Variants in FRMD3 observed in about 807,000 individuals in gnomAD.
FRMD3 encodes the protein FERM domain containing 3, also known as FERM domain-containing protein 3.
FRMD3 carries 33 observed loss-of-function variants against 70.2 expected under a neutral mutation model. The observed-to-expected ratio is 0.47, with a 90% confidence interval of 0.36 to 0.63. FRMD3 has a LOEUF of 0.63. FRMD3 is among the 20% of genes least tolerant of loss of function. The pLI is 0.00. For synonymous variants in FRMD3, 279 were observed against 255.9 expected (o/e 1.09, Z -0.86); for missense variants, 632 against 711.4 (o/e 0.89, Z 1.27).
chr9:83,546,550 A>G, the FRMD3 span, among the ~76,000 whole-genome samples: 1 of 152,210 alleles, frequency 6.6e-6, no homozygotes, highest in African/African-American at 2.4e-5. Flanking sequence ...CATCATAAAA[A>G]CACATAAAAA....
intron 13 of FRMD3, among the ~76,000 whole-genome samples, chr9:83,279,987 T>C (rs1283800536): frequency 6.6e-6 from 1 of 152,168 alleles, no homozygotes; most frequent in Admixed American, 6.6e-5. Context: ...AATAAAACTG[T>C]CTTTCATAGA....
intron 1 of FRMD3, among the ~76,000 whole-genome samples, chr9:83,536,352 G>A (rs1048706472): frequency 6.6e-5 from 10 of 152,122 alleles, no homozygotes; most frequent in African/African-American, 2.2e-4. Context: ...TCCTGAGGGA[G>A]GGGAAAAAAA....
At chr9:83,310,271 T>A (rs1471187746) in intron 9 of FRMD3, among the ~76,000 whole-genome samples, 1 of 152,224 alleles carries the variant, frequency 6.6e-6, no homozygotes, top group Non-Finnish European at 1.5e-5. Flanking sequence ...CATGGGGGTG[T>A]ACAATCAGCA....
chr9:83,367,039 CA>C (rs138565141), intron 3 of FRMD3, among the ~76,000 whole-genome samples: 6 of 149,498 alleles, frequency 4.0e-5, no homozygotes, highest in East Asian at 3.9e-4. Flanking sequence ...TCTCAAAAAA[CA>C]AAAAAAAAAT....
chr9:83,311,882 C>G lies in FRMD3; in HGVS notation c.773+5G>C. ...GGAAAGCCAGTTTTCCAAAGAGGCA[C>G]TTACCATTTTATCAAATGGATTCTC... On this transcript the variant is annotated splice_donor_5th_base_variant and intron_variant, in intron 8 of 13. Coordinates refer to ENST00000304195, the MANE Select transcript of FRMD3 (RefSeq NM_174938.6). The G allele has an allele frequency of 6.3e-7, 1 of 1,590,260 alleles. No individual in the cohort carries two copies. Among genetic ancestry groups the G allele is most frequent in the Non-Finnish European group, 8.6e-7 (1 of 1,162,056 alleles).
At chr9:83,256,756 A>G (rs1231070727) in intron 13 of FRMD3, among the ~76,000 whole-genome samples, 6 of 151,642 alleles carry the variant, frequency 4.0e-5, no homozygotes, top group Admixed American at 6.6e-5. Context: ...CAAACATATG[A>G]AAAAAAAAGC....
rs1457225402 is a variant in FRMD3, at chr9:83,248,376, C to G, written c.1336G>C (p.Val446Leu). 1 of 1,614,168 alleles carries G rather than the reference C, an allele frequency of 6.2e-7. No homozygotes were observed. The highest frequency in any genetic ancestry group is 2.2e-5 in the East Asian group (1 of 44,884). Residue 446 changes from valine (V) to leucine (L), a missense_variant, in exon 14 of 14, where the codon GTG becomes CTG. By Grantham distance (32) the Val-to-Leu change is conservative. Transcript: ENST00000304195. ...KEEPLTISEL[V>L]YNPSASLLPT... ...AGCAGGCTGGCACTTGGGTTGTACA[C>G]TAGTTCAGAGATGGTTAAAGGTTCT...
Position 83,247,211 on chromosome 9 carries a change from A to G in FRMD3, c.*707T>C, listed in dbSNP as rs1832146684. The G allele has an allele frequency of 3.0e-6, 3 of 985,226 alleles. No individual in the cohort carries two copies. The highest frequency in any genetic ancestry group is 4.7e-5 in the South Asian group (1 of 21,292). 61.0% of individuals were successfully genotyped at this position (985,226 alleles called of 1,614,324 possible). A position where few individuals can be genotyped will look rare whatever the true frequency, so the allele number is the denominator to read the frequency against. Reference sequence around the variant, plus strand: ...CCTCTGTTTTAGCAGCTTACTTACTATAGTGTCTTTCTACCCATTTTCTAT... The same window carrying G: ...CCTCTGTTTTAGCAGCTTACTTACTGTAGTGTCTTTCTACCCATTTTCTAT... On this transcript the variant is annotated 3_prime_UTR_variant, in exon 14 of 14. Transcript: ENST00000304195.
At chr9:83,351,730 T>TAGATAGAG (rs879390065) in intron 3 of FRMD3, among the ~76,000 whole-genome samples, 16 of 151,452 alleles carry the variant, frequency 1.1e-4, no homozygotes, top group Non-Finnish European at 1.9e-4. Context: ...GATAGATAGA[T>TAGATAGAG]AGACATGCCA....
chr9:83,305,849 C>T (rs1185094257), intron 10 of FRMD3, among the ~76,000 whole-genome samples: 1 of 152,226 alleles, frequency 6.6e-6, no homozygotes. Context: ...TACAGTTTGT[C>T]ACTTGTGCTC....
At chr9:83,313,049 G>T (rs13286515) in intron 7 of FRMD3, among the ~76,000 whole-genome samples, 1 of 152,078 alleles carries the variant, frequency 6.6e-6, no homozygotes, top group Non-Finnish European at 1.5e-5. Flanking sequence ...AAAGAAGAAC[G>T]TTGCTTCAGT....
At chr9:83,357,743 T>A (rs1157406686) in intron 3 of FRMD3, among the ~76,000 whole-genome samples, 1 of 152,218 alleles carries the variant, frequency 6.6e-6, no homozygotes, top group Non-Finnish European at 1.5e-5. Flanking sequence ...GGTCTATTCA[T>A]GTCCTTAGCC....
chr9:83,352,700 C>T (rs1824200731), intron 3 of FRMD3, among the ~76,000 whole-genome samples: 1 of 152,182 alleles, frequency 6.6e-6, no homozygotes, highest in Non-Finnish European at 1.5e-5. Flanking sequence ...TGGCCTTCAC[C>T]AGCCGGCCCC....
At chr9:83,331,848 T>A (rs1823383310) in intron 6 of FRMD3, 1 of 717,382 alleles carries the variant, frequency 1.4e-6, no homozygotes, top group Non-Finnish European at 2.6e-6. Flanking sequence ...CCAGCTCCTA[T>A]TACCTTCTGA....
the FRMD3 span, among the ~76,000 whole-genome samples, chr9:83,579,614 C>T: frequency 2.0e-5 from 3 of 152,126 alleles, no homozygotes; most frequent in East Asian, 3.9e-4. Flanking sequence ...TTATCTGACA[C>T]CATGAACCAA....
At chr9:83,533,842 C>G (rs1051226692) in intron 1 of FRMD3, among the ~76,000 whole-genome samples, 2 of 152,168 alleles carry the variant, frequency 1.3e-5, no homozygotes, top group African/African-American at 4.8e-5. Flanking sequence ...AATACAAATA[C>G]AAATTTTCAG....
intron 13 of FRMD3, among the ~76,000 whole-genome samples, chr9:83,289,842 G>A (rs1057228496): frequency 5.3e-5 from 8 of 152,242 alleles, no homozygotes; most frequent in Non-Finnish European, 1.2e-4. Flanking sequence ...AATAAAATGT[G>A]AGATGTCTGC....
chr9:83,480,164 C>T (rs4877780), intron 1 of FRMD3, among the ~76,000 whole-genome samples: 63,847 of 152,000 alleles, frequency 0.42, 13,544 homozygotes, highest in Middle Eastern at 0.46. Flanking sequence ...CACTTTCATA[C>T]AGTAAAATCC....
In FRMD3 at chr9:83,311,982, A is replaced by T. The variant is rs1184743584; in HGVS notation, c.685-7T>A. On this transcript the variant is annotated splice_polypyrimidine_tract_variant and splice_region_variant and intron_variant, in intron 7 of 13. Transcript: ENST00000304195. ...TTGTTGTGCCTGTTGAATCCTGAAA[A>T]AAAAAAAAAAGAAAAAAGAAAAATC... 5.1e-6 allele frequency: 8 copies of T among 1,568,008 alleles called. No homozygotes were observed. Among genetic ancestry groups the T allele is most frequent in the Non-Finnish European group, 6.9e-6 (8 of 1,163,404 alleles).
Sources: gnomAD v4.1 joint callset for allele counts (sites outside exome capture counted in the v4.1 genomes callset) on GRCh38, gnomAD v4.1.1 for gene constraint, MANE v1.5 for transcripts, NCBI Gene and HGNC (gene_info 2026-07-23, HGNC 2026-07-21) for gene names.